The following SLC13A5 variants were observed in gnomAD, a reference collection of about 807,000 sequenced individuals.
SLC13A5 encodes the protein solute carrier family 13 member 5.
A neutral mutation model predicts 56.5 loss-of-function variants in SLC13A5; 25 were observed. The observed-to-expected ratio is 0.44, with a 90% CI of 0.32 to 0.62. SLC13A5 has a LOEUF of 0.62. Ranked by LOEUF, SLC13A5 falls within the 20% of genes least tolerant of loss-of-function variation. SLC13A5 has a pLI of 0.04. For missense variants in SLC13A5, 649 were observed against 737.8 expected (o/e 0.88, Z 1.39); for synonymous variants, 307 against 301.5 (o/e 1.02, Z -0.19).
rs891213137 is a variant in SLC13A5 at position 6,692,521 on chromosome 17, C to T, written c.1275+523G>A. On this transcript the variant is annotated intron_variant, in intron 9 of 11. Transcript: ENST00000433363. The surrounding 1 kb of genome is among the most constrained non-coding windows in gnomAD (Gnocchi z 5.5). ...GCAGCAGCAAGCTAGCTCATCCCTC[C>T]CTCTGGCTCATTTCTTCCCCAGGAG... Among the ~76,000 whole-genome samples, 2 of 152,178 alleles carry T rather than the reference C, an allele frequency of 1.3e-5. No homozygotes were observed. The highest frequency in any genetic ancestry group is 2.9e-5 in the Non-Finnish European group (2 of 68,026).
chr17:6,685,732 A>ACCCC lies in SLC13A5; in HGVS notation c.*474_*475insGGGG. 1 of 160,486 alleles carries ACCCC rather than the reference A, an allele frequency of 6.2e-6. No homozygotes were observed. Among genetic ancestry groups the ACCCC allele is most frequent in the South Asian group, 1.8e-4 (1 of 5,594 alleles). 9.9% of individuals were successfully genotyped at this position (160,486 alleles called of 1,614,324 possible). ...TGGCTGGGGTGTCCCTTCCAGAGTG[A>ACCCC]CAGAGATGATCTGAGGCTGCTCAAG... is the stretch of plus-strand genomic sequence containing the variant. On this transcript the variant is annotated 3_prime_UTR_variant, in exon 12 of 12. Coordinates refer to ENST00000433363, the MANE Select transcript of SLC13A5 (RefSeq NM_177550.5). This position sits in a 1 kb window ranked among gnomAD's most constrained non-coding sequence, Gnocchi z 4.2.
chr17:6,692,875 T>G lies in SLC13A5; in HGVS notation c.1275+169A>C, dbSNP rs1973448617. 1.5e-5 allele frequency: 9 copies of G among 618,006 alleles called. No homozygotes were observed. The Admixed American group carries it at 2.5e-4, about 17-fold the overall frequency. 38.3% of individuals were successfully genotyped at this position (618,006 alleles called of 1,614,324 possible). ...CTTTCTGTCTTCCAGGCCCTGTGTG[T>G]GGTGTAGAGTTCCTAGATGACAAGA... On this transcript the variant is annotated intron_variant, in intron 9 of 11. Coordinates refer to ENST00000433363, the MANE Select transcript of SLC13A5 (RefSeq NM_177550.5). The surrounding 1 kb of genome is among the most constrained non-coding windows in gnomAD (Gnocchi z 5.5).
chr17:6,691,918 C>T (rs1261619804), intron 9 of SLC13A5, among the ~76,000 whole-genome samples: 1 of 152,194 alleles, frequency 6.6e-6, no homozygotes, highest in Non-Finnish European at 1.5e-5. Flanking sequence ...GCCTTACCAG[C>T]CTCATCTTCT....
In SLC13A5 at chr17:6,695,966, G is replaced by A. The variant is rs376742362; in HGVS notation, c.840-25C>T. The A allele has an allele frequency of 8.1e-6, 13 of 1,608,898 alleles. No homozygotes were observed. The African/African-American group carries it at 1.3e-4, about 17-fold the overall frequency. On this transcript the variant is annotated intron_variant, in intron 6 of 11. Transcript: ENST00000433363. Reference sequence around the variant, plus strand: ...ACTGGAGAATGCAAAGATGAGAGAAGGGCAGGGCAGACTGGTTGGCTCAGG... The same window carrying A: ...ACTGGAGAATGCAAAGATGAGAGAAAGGCAGGGCAGACTGGTTGGCTCAGG...
chr17:6,706,579 C>A lies in SLC13A5; in HGVS notation c.368+63G>T. 3 of 1,583,370 alleles carry A rather than the reference C, an allele frequency of 1.9e-6. No individual in the cohort carries two copies. In the East Asian group the frequency reaches 6.8e-5, roughly 36 times the overall value. On this transcript the variant is annotated intron_variant, in intron 3 of 11. Transcript: ENST00000433363. ...GGATGGCCTGGTCTGTGCCATCCTC[C>A]ACCCCCTTCCAGCCCTGGGGCTCAT...
Position 6,685,572 on chromosome 17 carries a change from G to GATC in SLC13A5, c.*634_*635insGAT. 1 of 153,794 alleles carries GATC rather than the reference G, an allele frequency of 6.5e-6. No individual in the cohort carries two copies. The highest frequency in any genetic ancestry group is 6.4e-5 in the Admixed American group (1 of 15,630). The allele number at this position is 153,794 out of a possible 1,614,324, so 9.5% of individuals were successfully genotyped here. On this transcript the variant is annotated 3_prime_UTR_variant, in exon 12 of 12. Coordinates refer to ENST00000433363, the MANE Select transcript of SLC13A5 (RefSeq NM_177550.5). This position sits in a 1 kb window ranked among gnomAD's most constrained non-coding sequence, Gnocchi z 4.2. ...CACTGTGGGTGGCAAGCCAGGTGTC[G>GATC]TCCTGAAGTTGGCAACTCAGATTCC...
In SLC13A5 at chr17:6,711,488, GTGT is replaced by G. The variant is rs1974023119; in HGVS notation, c.102+1741_102+1743del. ...TGAGTTAGGGTTTCCAGTTCAGGGT[GTGT>G]GTGTGTGTGTGTGTGTATGTGTATG... is the stretch of plus-strand genomic sequence containing the variant. On this transcript the variant is annotated intron_variant, in intron 1 of 11. Coordinates refer to ENST00000433363, the MANE Select transcript of SLC13A5 (RefSeq NM_177550.5). The surrounding 1 kb of genome is among the most constrained non-coding windows in gnomAD (Gnocchi z 4.0). 4.9e-5 allele frequency among the ~76,000 whole-genome samples: 5 copies of G among 102,284 alleles called. No individual in the cohort carries two copies. Among genetic ancestry groups the G allele is most frequent in the African/African-American group, 3.4e-4 (5 of 14,756 alleles). 67.1% of individuals were successfully genotyped at this position (102,284 alleles called of 152,430 possible).
At chr17:6,691,027 C>T (rs965182591) in intron 9 of SLC13A5, 87 bp from the exon 10 acceptor site, 9 of 1,448,786 alleles carry the variant, frequency 6.2e-6, no homozygotes, top group Non-Finnish European at 8.3e-6. Context: ...ATCCTCCCCT[C>T]CCGACCCTCT....
chr17:6,709,430 C>T (rs781475653), intron 1 of SLC13A5, among the ~76,000 whole-genome samples: 5 of 151,898 alleles, frequency 3.3e-5, no homozygotes, highest in East Asian at 1.9e-4. Flanking sequence ...CCACCACGCC[C>T]GGCTAATTTT....
At chr17:6,689,362 A>T (rs1267915834) in intron 10 of SLC13A5, 1 of 152,218 alleles carries the variant, frequency 6.6e-6, no homozygotes, top group Non-Finnish European at 1.5e-5. Flanking sequence ...CTCAATGACC[A>T]TCACCTTTTC....
chr17:6,703,742 AT>A (rs890889859), intron 4 of SLC13A5, 135 bp downstream of exon 4: 169 of 841,154 alleles, frequency 2.0e-4, no homozygotes, highest in African/African-American at 4.0e-4. Context: ...AGTATTTTCT[AT>A]TTTTTTTTCT....
In SLC13A5 at chr17:6,711,096, G is replaced by C. The variant is rs965392778; in HGVS notation, c.102+2136C>G. ...AGAGAGGCCTGGGTGTTGGCAGAGG[G>C]TGGCGTGCCCTGGGAGTCACCTCCT... On this transcript the variant is annotated intron_variant, in intron 1 of 11. Transcript: ENST00000433363. This position sits in a 1 kb window ranked among gnomAD's most constrained non-coding sequence, Gnocchi z 4.0. Among the ~76,000 whole-genome samples, 1 of 152,080 alleles carries C rather than the reference G, an allele frequency of 6.6e-6. No individual in the cohort carries two copies. The highest frequency in any genetic ancestry group is 1.9e-4 in the East Asian group (1 of 5,164).
At chr17:6,704,375 C>A in intron 3 of SLC13A5, 1 of 469,964 alleles carries the variant, frequency 2.1e-6, no homozygotes, top group East Asian at 5.4e-5. Context: ...CACCATCTAG[C>A]AGGGGAAGCC....
At chr17:6,710,959 A>T (rs1974005020) in intron 1 of SLC13A5, among the ~76,000 whole-genome samples, 1 of 152,210 alleles carries the variant, frequency 6.6e-6, no homozygotes, top group Non-Finnish European at 1.5e-5. Flanking sequence ...TATTTCATTA[A>T]ATTTTTTTTC....
At position 6,695,628 on chromosome 17, in the gene SLC13A5, T is replaced by G. The variant is rs1223488356; in HGVS notation, c.1055+98A>C. 2.5e-6 allele frequency: 3 copies of G among 1,222,174 alleles called. No homozygotes were observed. The African/African-American group carries it at 4.5e-5, about 18-fold the overall frequency. 75.7% of individuals were successfully genotyped at this position (1,222,174 alleles called of 1,614,324 possible). A position where few individuals can be genotyped will look rare whatever the true frequency, so the allele number is the denominator to read the frequency against. On this transcript the variant is annotated intron_variant, in intron 7 of 11. Coordinates refer to ENST00000433363, the MANE Select transcript of SLC13A5 (RefSeq NM_177550.5). ...ATGGTCTCGATCTCCTGACCTCAAG[T>G]GACCCACCCACCTCAGCCTCCCAAA... is the stretch of plus-strand genomic sequence containing the variant.
At chr17:6,686,987 G>A (rs1470191569) in intron 11 of SLC13A5, 2 of 160,516 alleles carry the variant, frequency 1.2e-5, no homozygotes, top group Non-Finnish European at 2.7e-5. Context: ...GCCCAGAGCT[G>A]CAAAGCTGCC....
chr17:6,706,588 C>A, intron 3 of SLC13A5, 54 bp downstream of exon 3: 1 of 1,593,122 alleles, frequency 6.3e-7, no homozygotes, highest in Non-Finnish European at 8.6e-7. Context: ...CCACCCCCTT[C>A]CAGCCCTGGG....
chr17:6,703,108 A>G lies in SLC13A5; in HGVS notation c.578T>C (p.Leu193Pro). The change falls in exon 5 of 12, where the codon CTG becomes CCG. Residue 193 changes from leucine (L) to proline (P), a missense_variant. Physicochemically the swap from Leu to Pro is moderately conservative, Grantham distance 98. Coordinates refer to ENST00000433363, the MANE Select transcript of SLC13A5 (RefSeq NM_177550.5). ...CCGCTCTTGGTCTTCCTGCTGCCCC[A>G]GAGTGGGGCCTTCAAAAATCACTTG... Reference protein sequence around the residue: ...GSQVIFEGPTLGQQEDQERKR... With the variant: ...GSQVIFEGPTPGQQEDQERKR... The G allele has an allele frequency of 6.2e-7, 1 of 1,614,134 alleles. No homozygotes were observed. Among genetic ancestry groups the G allele is most frequent in the Non-Finnish European group, 8.5e-7 (1 of 1,180,034 alleles).
intron 3 of SLC13A5, among the ~76,000 whole-genome samples, chr17:6,705,745 C>T (rs535661309): frequency 3.9e-5 from 6 of 152,266 alleles, no homozygotes; most frequent in South Asian, 4.1e-4. Flanking sequence ...AGGAATTTAC[C>T]GTAAACTGAC....
Sources: allele counts gnomAD v4.1 joint callset (sites outside exome capture counted in the v4.1 genomes callset), GRCh38; gene constraint gnomAD v4.1.1; non-coding constraint Gnocchi (gnomAD v3.1); transcripts MANE v1.5; gene names NCBI Gene and HGNC (gene_info 2026-07-23, HGNC 2026-07-21).